The following FAT1 variants were observed in gnomAD, a reference collection of about 807,000 sequenced individuals.
The protein encoded by FAT1 is protocadherin Fat 1.
FAT1 carries 171 observed loss-of-function variants against 329.8 expected under a neutral mutation model. The observed-to-expected ratio is 0.52, with a 90% CI of 0.46 to 0.59. The LOEUF is 0.59. FAT1 is among the 20% of genes least tolerant of loss of function. The probability of loss-of-function intolerance (pLI) is 0.00; values close to 1 mark genes in which losing one functional copy is unlikely to be tolerated. For missense variants in FAT1, 5,672 were observed against 5,774.4 expected (o/e 0.98, Z 0.57); for synonymous variants, 2,233 against 2,228.6 (o/e 1.00, Z -0.06).
chr4:186,632,910 C>T (rs1579358051), intron 7 of FAT1, among the ~76,000 whole-genome samples: 1 of 152,164 alleles, frequency 6.6e-6, no homozygotes, highest in South Asian at 2.1e-4. Context: ...CTTCTGCCAT[C>T]CCAGTGTAAG....
rs1159148756 is a variant in FAT1 at position 186,708,482 on chromosome 4, A to G, written c.1346T>C (p.Val449Ala). Residue 449 changes from valine to alanine, a missense_variant, in exon 2 of 27, where the codon GTC becomes GCC. Physicochemically the swap from Val to Ala is moderately conservative, Grantham distance 64. Around this residue, in one of 2 missense-constraint regions of FAT1, gnomAD observed 3,966 missense variants for 3,915.2 expected, o/e 1.01. Transcript: ENST00000441802. ...TTSDRKASTKVLVKVLGANSN... is the reference protein window; with the variant it reads ...TTSDRKASTKALVKVLGANSN... ...ATTTGCACCTAAGACTTTCACCAAGACCTTGGTGGACGCTTTTCTGTCACT... is the reference window on the plus strand; with the variant it reads ...ATTTGCACCTAAGACTTTCACCAAGGCCTTGGTGGACGCTTTTCTGTCACT... 1 of 1,613,900 alleles carries G rather than the reference A, an allele frequency of 6.2e-7. No individual in the cohort carries two copies.
rs554818762 is a variant in FAT1 at position 186,639,752 on chromosome 4, G to A, written c.3612C>T (p.Asp1204=). The A allele has an allele frequency of 1.2e-6, 2 of 1,612,810 alleles. No homozygotes were observed. The highest frequency in any genetic ancestry group is 2.7e-5 in the African/African-American group (2 of 74,808). ...GLITTTSRKL[D]REQQDEHILE... ...ATATGTGTTCATCTTGCTGTTCTCGGTCTAGCTTCCTTGACGTAGTTGTGA... is the reference window on the plus strand; with the variant it reads ...ATATGTGTTCATCTTGCTGTTCTCGATCTAGCTTCCTTGACGTAGTTGTGA... Residue 1204 remains aspartate (D), a synonymous_variant, in exon 4 of 27, where the codon GAC becomes GAT. Coordinates refer to ENST00000441802, the MANE Select transcript of FAT1 (RefSeq NM_005245.4).
chr4:186,688,421 G>GTGCTTTC (rs1263163853), intron 2 of FAT1, among the ~76,000 whole-genome samples: 2 of 152,090 alleles, frequency 1.3e-5, no homozygotes, highest in Admixed American at 6.5e-5. Context: ...GGTAATCGCG[G>GTGCTTTC]ACCCCATGTG....
rs192818736 is a variant in FAT1 at position 186,618,888 on chromosome 4, G to A, written c.7698C>T (p.Val2566=). The A allele has an allele frequency of 7.5e-3, 12,093 of 1,613,946 alleles. 48 individuals carry two copies. Among genetic ancestry groups the A allele is most frequent in the Non-Finnish European group, 8.6e-3 (10,164 of 1,179,880 alleles). ...CTCCAGCATCCTTAGCCATTAAACG[G>A]ACTGAGATCACTTTCTCCGCCGGGG... is the stretch of plus-strand genomic sequence containing the variant. The part of the protein sequence containing the change: ...RETPAEKVIS[V]RLMAKDAGGK... Residue 2566 remains valine (V), a synonymous_variant, in exon 10 of 27, where the codon GTC becomes GTT. Coordinates refer to ENST00000441802, the MANE Select transcript of FAT1 (RefSeq NM_005245.4).
chr4:186,615,179 A>G (rs1313677643), intron 11 of FAT1, among the ~76,000 whole-genome samples: 1 of 129,166 alleles, frequency 7.7e-6, no homozygotes, highest in Non-Finnish European at 1.7e-5. Flanking sequence ...TACTGAAATA[A>G]TATCAAAGGG....
chr4:186,721,748 TTCAAAGGGACC>T (rs1745477819), intron 1 of FAT1, among the ~76,000 whole-genome samples: 1 of 152,214 alleles, frequency 6.6e-6, no homozygotes, highest in South Asian at 2.1e-4. Context: ...AAACGACTGC[TTCAAAGGGACC>T]TCAAAGCAAA....
rs2126475260 is a variant in FAT1, at chr4:186,613,223, C to T, written c.9349G>A (p.Asp3117Asn). The T allele has an allele frequency of 6.2e-7, 1 of 1,613,688 alleles. No homozygotes were observed. Among genetic ancestry groups the T allele is most frequent in the Non-Finnish European group, 8.5e-7 (1 of 1,179,596 alleles). ...AATTCGGGGGCGTTATCGTTCACATCTTCTAGCGTGAGCACAATACTGGCT... is the reference window on the plus strand; with the variant it reads ...AATTCGGGGGCGTTATCGTTCACATTTTCTAGCGTGAGCACAATACTGGCT... ...CQASIVLTLEDVNDNAPEFSA... is the reference protein window; with the variant it reads ...CQASIVLTLENVNDNAPEFSA... The change falls in exon 13 of 27, where the codon GAT becomes AAT. Residue 3117 changes from aspartate (D) to asparagine (N), a missense_variant. Physicochemically the swap from Asp to Asn is conservative, Grantham distance 23. This residue lies in a region of FAT1 where 3,966 missense variants were observed against 3,915.2 expected (regional missense o/e 1.01). Coordinates refer to ENST00000441802, the MANE Select transcript of FAT1 (RefSeq NM_005245.4).
Position 186,709,772 on chromosome 4 carries a change from C to G in FAT1, c.56G>C (p.Gly19Ala), listed in dbSNP as rs200192750. Reference protein sequence around the residue: ...LLLLLLFQHFGDSDGSQRLEQ... With the variant: ...LLLLLLFQHFADSDGSQRLEQ... ...AAGTCGTTGGCTGCCATCACTGTCT[C>G]CAAAATGTTGGAAGAGAAGGAGCAG... Residue 19 changes from glycine (G) to alanine (A), a missense_variant, in exon 2 of 27, where the codon GGA (glycine) becomes GCA (alanine). By Grantham distance (60) the Gly-to-Ala change is moderately conservative. Coordinates refer to ENST00000441802, the MANE Select transcript of FAT1 (RefSeq NM_005245.4). 2.6e-4 allele frequency: 417 copies of G among 1,612,514 alleles called. 2 individuals carry two copies. In the Middle Eastern group the frequency reaches 4.1e-3, roughly 16 times the overall value.
At chr4:186,593,853 G>A (rs1738360618) in intron 26 of FAT1, among the ~76,000 whole-genome samples, 1 of 152,140 alleles carries the variant, frequency 6.6e-6, no homozygotes, top group Non-Finnish European at 1.5e-5. Flanking sequence ...ATTGTTTTAG[G>A]CCACAAAGTT....
In FAT1 at chr4:186,659,605, C is replaced by T. The variant is rs528993492; in HGVS notation, c.3580+3694G>A. On this transcript the variant is annotated intron_variant, in intron 3 of 26. Coordinates refer to ENST00000441802, the MANE Select transcript of FAT1 (RefSeq NM_005245.4). ...GCTGGGCGCTCCTGCACTCTACACA[C>T]ACAAGCCCGCTGTGGCACTTGTCCC... is the stretch of plus-strand genomic sequence containing the variant. 2.0e-5 allele frequency among the ~76,000 whole-genome samples: 3 copies of T among 152,068 alleles called. No individual in the cohort carries two copies. The East Asian group carries it at 5.8e-4, about 30-fold the overall frequency.
At chr4:186,699,365 T>C (rs981208079) in intron 2 of FAT1, among the ~76,000 whole-genome samples, 1 of 152,146 alleles carries the variant, frequency 6.6e-6, no homozygotes, top group African/African-American at 2.4e-5. Flanking sequence ...AGAATCCCAT[T>C]CAACAGGTTG....
At chr4:186,593,412 G>C (rs1738336998) in intron 26 of FAT1, among the ~76,000 whole-genome samples, 1 of 152,212 alleles carries the variant, frequency 6.6e-6, no homozygotes, top group Non-Finnish European at 1.5e-5. Context: ...GTGGTAGGCA[G>C]AAGGCTGGCC....
rs1205452928 is a variant in FAT1, at chr4:186,621,504, T to C, written c.5082A>G (p.Gln1694=). 13 of 1,613,922 alleles carry C rather than the reference T, an allele frequency of 8.1e-6. No homozygotes were observed. Among genetic ancestry groups the C allele is most frequent in the Admixed American group, 1.7e-5 (1 of 60,006 alleles). ...SFVGMVTAHS[Q]SSVVYEIKDG... is the part of the protein sequence containing the mutation. The stretch of plus-strand genomic sequence containing the variant: ...CTTTTATTTCATACACCACTGATGA[T>C]TGACTATGGGCTGTAACCATCCCAA... Residue 1694 remains glutamine (Q), a synonymous_variant, in exon 10 of 27, where the codon CAA becomes CAG. Transcript: ENST00000441802.
intron 6 of FAT1, among the ~76,000 whole-genome samples, chr4:186,634,682 C>CT (rs1294152773): frequency 1.3e-5 from 2 of 152,112 alleles, no homozygotes; most frequent in African/African-American, 4.8e-5. Context: ...CAAAACAAGG[C>CT]TTTTATTTTA....
chr4:186,692,473 C>A lies in FAT1; in HGVS notation c.3265+14090G>T, dbSNP rs916896296. ...GACTACAGGCGCCCGCCACCACGCC[C>A]GGCTAATTTTTTGTATTTTTAGTAG... On this transcript the variant is annotated intron_variant, in intron 2 of 26. Coordinates refer to ENST00000441802, the MANE Select transcript of FAT1 (RefSeq NM_005245.4). Among the ~76,000 whole-genome samples, 3 of 151,996 alleles carry A rather than the reference C, an allele frequency of 2.0e-5. No homozygotes were observed. The South Asian group carries it at 6.2e-4, about 32-fold the overall frequency.
chr4:186,697,963 C>A (rs1391308786), intron 2 of FAT1, among the ~76,000 whole-genome samples: 1 of 152,196 alleles, frequency 6.6e-6, no homozygotes, highest in Non-Finnish European at 1.5e-5. Flanking sequence ...AAAGAATATA[C>A]AGCTTTCCAC....
rs559079552 is a variant in FAT1 at position 186,713,938 on chromosome 4, C to G, written c.-18-4093G>C. On this transcript the variant is annotated intron_variant, in intron 1 of 26. Coordinates refer to ENST00000441802, the MANE Select transcript of FAT1 (RefSeq NM_005245.4). ...CCAGGCTCAAGCGATCTGCCCAACT[C>G]GGCCTCCCGAACTGCTAGGATTACA... 2.9e-3 allele frequency among the ~76,000 whole-genome samples: 446 copies of G among 152,322 alleles called. 1 individual carries two copies. The highest frequency in any genetic ancestry group is 6.8e-3 in the Middle Eastern group (2 of 294).
rs965248292 is a variant in FAT1 at position 186,678,616 on chromosome 4, T to C, written c.3266-15003A>G. 4.7e-5 allele frequency among the ~76,000 whole-genome samples: 7 copies of C among 148,760 alleles called. No individual in the cohort carries two copies. The Admixed American group carries it at 4.7e-4, about 10-fold the overall frequency. On this transcript the variant is annotated intron_variant, in intron 2 of 26. Coordinates refer to ENST00000441802, the MANE Select transcript of FAT1 (RefSeq NM_005245.4). ...TATTATTGATATTATGTATTATATA[T>C]GTTATTAATATATTATTACTTTTAT... is the stretch of plus-strand genomic sequence containing the variant.
At position 186,597,691 on chromosome 4, in the gene FAT1, C is replaced by T. The variant is rs1260369871; in HGVS notation, c.12359G>A (p.Arg4120Lys). The T allele has an allele frequency of 1.2e-6, 2 of 1,613,496 alleles. No homozygotes were observed. The highest frequency in any genetic ancestry group is 1.3e-5 in the African/African-American group (1 of 74,892). The part of the protein sequence containing the change: ...GAVCQCDSGF[R>K]GERCQSDIDE... ...GAAAGAAACCATTTACCTTTCTCCC[C>T]TAAAACCCGAATCACACTGACAAAC... The change falls in exon 24 of 27, where the codon AGG (arginine) becomes AAG (lysine). Residue 4120 changes from arginine (R) to lysine (K), a missense_variant. Around this residue, in one of 2 missense-constraint regions of FAT1, gnomAD observed 1,706 missense variants for 1,859.1 expected, o/e 0.92. Transcript: ENST00000441802.
Sources: gnomAD v4.1 joint callset for allele counts (sites outside exome capture counted in the v4.1 genomes callset) on GRCh38, gnomAD v4.1.1 for gene constraint, gnomAD v4.1.1 regional missense constraint, MANE v1.5 for transcripts, NCBI Gene and HGNC (gene_info 2026-07-23, HGNC 2026-07-21) for gene names.